TFPI: variants seen among roughly 807,000 people sequenced by gnomAD.
TFPI encodes anti-convertin.
TFPI carries 15 observed loss-of-function variants against 34.6 expected under a neutral mutation model. The observed-to-expected ratio is 0.43, with a 90% CI of 0.29 to 0.67. TFPI has a LOEUF of 0.67. Among genes scored for constraint, TFPI ranks in the 30% least tolerant of loss-of-function variants. The pLI is 0.15. For synonymous variants in TFPI, 105 were observed against 120.1 expected (o/e 0.87, Z 0.82); for missense variants, 301 against 364.0 (o/e 0.83, Z 1.41).
intron 1 of TFPI, among the ~76,000 whole-genome samples, chr2:187,528,992 T>C (rs1213144557): frequency 1.3e-5 from 2 of 152,214 alleles, no homozygotes; most frequent in Non-Finnish European, 2.9e-5. Context: ...CACCATCTTA[T>C]AATGGAGTCA....
At chr2:187,534,044 A>G (rs539817558) in intron 1 of TFPI, among the ~76,000 whole-genome samples, 1 of 152,208 alleles carries the variant, frequency 6.6e-6, no homozygotes, top group Non-Finnish European at 1.5e-5. Flanking sequence ...GAATGAAGAA[A>G]GCCTCCAAGA....
chr2:187,500,030 A>G (rs1217872302), intron 2 of TFPI, among the ~76,000 whole-genome samples: 1 of 152,172 alleles, frequency 6.6e-6, no homozygotes, highest in Non-Finnish European at 1.5e-5. Flanking sequence ...TATTCTTAAT[A>G]TATTTGATAG....
intron 1 of TFPI, among the ~76,000 whole-genome samples, chr2:187,524,674 C>A (rs1426574604): frequency 6.6e-6 from 1 of 151,994 alleles, no homozygotes; most frequent in Admixed American, 6.6e-5. Context: ...AGATCAGAAA[C>A]AAGTATTGTG....
intron 1 of TFPI, among the ~76,000 whole-genome samples, chr2:187,540,890 C>CAAAAAAAAAAAAAAAAAAAAAA (rs56921212): frequency 1.2e-5 from 1 of 84,780 alleles, no homozygotes; most frequent in African/African-American, 4.6e-5. Flanking sequence ...GACTCCATCT[C>CAAAAAAAAAAAAAAAAAAAAAA]AAAAAAAAAA....
intron 1 of TFPI, among the ~76,000 whole-genome samples, chr2:187,531,372 C>T (rs1687946675): frequency 6.6e-6 from 1 of 152,132 alleles, no homozygotes; most frequent in Non-Finnish European, 1.5e-5. Context: ...TGAATGAATT[C>T]AGTCCGACAA....
intron 1 of TFPI, among the ~76,000 whole-genome samples, chr2:187,535,925 C>G (rs1688225226): frequency 6.6e-6 from 1 of 152,140 alleles, no homozygotes; most frequent in Non-Finnish European, 1.5e-5. Flanking sequence ...CACAGAAATA[C>G]AAACTACCAT....
intron 1 of TFPI, among the ~76,000 whole-genome samples, chr2:187,509,303 C>T (rs577512924): frequency 6.6e-6 from 1 of 152,276 alleles, no homozygotes; most frequent in East Asian, 1.9e-4. Context: ...CAGGATGATG[C>T]TGGCCTCATA....
chr2:187,524,995 C>A (rs747996227), intron 1 of TFPI, among the ~76,000 whole-genome samples: 8 of 151,696 alleles, frequency 5.3e-5, no homozygotes, highest in Non-Finnish European at 1.0e-4. Context: ...TTTACTCTTT[C>A]TTTATAATAT....
At chr2:187,495,169 G>C (rs575469339) in intron 3 of TFPI, among the ~76,000 whole-genome samples, 4 of 152,122 alleles carry the variant, frequency 2.6e-5, no homozygotes, top group African/African-American at 4.8e-5. Context: ...AAAGAAAAGA[G>C]TAAGTTTTGC....
chr2:187,495,057 G>A (rs1005856823), intron 3 of TFPI, among the ~76,000 whole-genome samples: 2 of 151,986 alleles, frequency 1.3e-5, no homozygotes, highest in South Asian at 2.1e-4. Context: ...AGGAGATGGG[G>A]GTAAGAGAGT....
At chr2:187,486,627 ATTCT>A (rs1693288946) in intron 4 of TFPI, among the ~76,000 whole-genome samples, 2 of 151,626 alleles carry the variant, frequency 1.3e-5, no homozygotes, top group Non-Finnish European at 3.0e-5. Flanking sequence ...ATGTAAAATA[ATTCT>A]TTTTTTGGCC....
chr2:187,539,894 ATCT>A (rs1003330713), intron 1 of TFPI, among the ~76,000 whole-genome samples: 48 of 149,392 alleles, frequency 3.2e-4, no homozygotes, highest in Non-Finnish European at 2.1e-4. Context: ...CCATTACGTC[ATCT>A]TCTTTTTTTT....
chr2:187,496,856 G>A (rs1685516486), intron 3 of TFPI, 25 bp downstream of exon 3: 2 of 1,608,540 alleles, frequency 1.2e-6, no homozygotes, highest in South Asian at 1.1e-5. Context: ...AGGGTCTTGA[G>A]TAATAAGGGT....
chr2:187,472,577 A>G (rs8176569), intron 6 of TFPI, among the ~76,000 whole-genome samples: 1,594 of 152,292 alleles, frequency 0.01, 23 homozygotes, highest in African/African-American at 0.037. Flanking sequence ...TTTCTTCCCC[A>G]TGCCAACAAA....
intron 6 of TFPI, chr2:187,478,870 T>C: frequency 7.4e-7 from 1 of 1,343,002 alleles, no homozygotes; most frequent in East Asian, 2.3e-5. Flanking sequence ...CTGTGGTCAA[T>C]GCTGAGGGTG....
At chr2:187,521,938 C>T (rs1320042909) in intron 1 of TFPI, among the ~76,000 whole-genome samples, 1 of 152,086 alleles carries the variant, frequency 6.6e-6, no homozygotes, top group Non-Finnish European at 1.5e-5. Context: ...GCCATTTTAA[C>T]AGGCATAAAC....
chr2:187,488,517 CTTTT>C (rs1693458773), intron 3 of TFPI, 142 bp from the exon 4 acceptor site: 1 of 491,728 alleles, frequency 2.0e-6, no homozygotes, highest in Non-Finnish European at 3.4e-6. Flanking sequence ...AATTGAATTT[CTTTT>C]TCTTTTCTCT....
intron 1 of TFPI, among the ~76,000 whole-genome samples, chr2:187,531,928 T>G (rs1295967469): frequency 9.7e-6 from 1 of 102,950 alleles, no homozygotes; most frequent in African/African-American, 5.4e-5. Flanking sequence ...TATTTAAAAT[T>G]TTTTTTTCAA....
At chr2:187,503,523 C>T in intron 2 of TFPI, 125 bp downstream of exon 2, 2 of 1,072,654 alleles carry the variant, frequency 1.9e-6, no homozygotes, top group Non-Finnish European at 1.3e-6. Flanking sequence ...TAATAAATTT[C>T]CAAAGAAAAA....
Sources: gnomAD v4.1 joint callset for allele counts (sites outside exome capture counted in the v4.1 genomes callset) on GRCh38, gnomAD v4.1.1 for gene constraint, MANE v1.5 for transcripts, NCBI Gene and HGNC (gene_info 2026-07-23, HGNC 2026-07-21) for gene names.